R3HDM1: variants seen among roughly 807,000 people sequenced by gnomAD.
R3HDM1 encodes the protein R3H domain containing 1.
Under a neutral mutation model 141.1 loss-of-function variants are expected in R3HDM1, and 46 were observed. The ratio of observed to expected loss-of-function variants is 0.33; its 90% confidence interval spans 0.26 to 0.42. The LOEUF (loss-of-function observed/expected upper bound fraction) is 0.42. Ranked by LOEUF, R3HDM1 falls within the 10% of genes least tolerant of loss-of-function variation. The pLI is 1.00. For missense variants in R3HDM1, 1,184 were observed against 1,368.3 expected (o/e 0.87, Z 2.12); for synonymous variants, 435 against 472.9 (o/e 0.92, Z 1.04).
rs117069208 is a variant in R3HDM1, at chr2:135,641,097, A to C, written c.1220-439A>C. Among the ~76,000 whole-genome samples, 104 of 152,332 alleles carry C rather than the reference A, an allele frequency of 6.8e-4. No individual in the cohort carries two copies. In the East Asian group the frequency reaches 0.019, roughly 28 times the overall value. The stretch of plus-strand genomic sequence containing the variant: ...ATTTATCATTTATTTCTTACACTGA[A>C]TCTTTCTGTGTTCTTATAGATAAGG... On this transcript the variant is annotated intron_variant, in intron 14 of 26. Transcript: ENST00000683871.
chr2:135,653,254 G>T (rs2065357435), intron 18 of R3HDM1, among the ~76,000 whole-genome samples: 1 of 152,054 alleles, frequency 6.6e-6, no homozygotes, highest in South Asian at 2.1e-4. Context: ...TACTGGAGAG[G>T]CTGAGGCAGG....
At chr2:135,572,192 A>G (rs996344249) in intron 1 of R3HDM1, among the ~76,000 whole-genome samples, 1 of 152,042 alleles carries the variant, frequency 6.6e-6, no homozygotes, top group African/African-American at 2.4e-5. Context: ...TCCTGACCTC[A>G]AGTGACCCAA....
chr2:135,630,297 AAAAAAAAAAAAC>A (rs1293949593), intron 7 of R3HDM1, among the ~76,000 whole-genome samples: 16 of 146,348 alleles, frequency 1.1e-4, no homozygotes, highest in African/African-American at 2.9e-4. Context: ...AAAAAAAAAA[AAAAAAAAAAAAC>A]AAAAAAAAAA....
At chr2:135,616,000 G>A (rs1169196350) in intron 3 of R3HDM1, 152 bp from the exon 4 acceptor site, 1 of 515,878 alleles carries the variant, frequency 1.9e-6, no homozygotes, top group Non-Finnish European at 3.3e-6. Flanking sequence ...CTTCTGGGAG[G>A]AATCAGTACT....
rs540060102 is a variant in R3HDM1 at position 135,650,889 on chromosome 2, C to G, written c.1726-841C>G. On this transcript the variant is annotated intron_variant, in intron 17 of 26. Coordinates refer to ENST00000683871, the MANE Select transcript of R3HDM1 (RefSeq NM_001378107.1). The stretch of plus-strand genomic sequence containing the variant: ...GTAAGTCATTTTTTTCAGTGTTGAC[C>G]TTTTAACAAAATGTGGTATATTTTA... 4.1e-6 allele frequency: 4 copies of G among 985,248 alleles called. No individual in the cohort carries two copies. In the South Asian group the frequency reaches 1.9e-4, roughly 46 times the overall value. The allele number at this position is 985,248 out of a possible 1,614,324, so 61.0% of individuals were successfully genotyped here. A position where few individuals can be genotyped will look rare whatever the true frequency, so the allele number is the denominator to read the frequency against.
chr2:135,631,364 G>A (rs11897772), intron 7 of R3HDM1, among the ~76,000 whole-genome samples: 9,034 of 150,892 alleles, frequency 0.06, 487 homozygotes, highest in African/African-American at 0.15. Context: ...GTAATACTAA[G>A]CAGATCAAAA....
At chr2:135,698,919 G>A (rs565536413) in intron 21 of R3HDM1, among the ~76,000 whole-genome samples, 4 of 151,948 alleles carry the variant, frequency 2.6e-5, no homozygotes, top group South Asian at 2.1e-4. Flanking sequence ...CACCTCCAGC[G>A]TTGGGGATTA....
intron 1 of R3HDM1, chr2:135,536,386 ATCC>A (rs1696118861): frequency 4.0e-6 from 1 of 247,296 alleles, no homozygotes; most frequent in Admixed American, 6.5e-5. Context: ...GGCGCAAGCA[ATCC>A]TCCTGCCTTA....
At chr2:135,540,863 AT>A (rs1186289132) in intron 1 of R3HDM1, among the ~76,000 whole-genome samples, 1 of 152,266 alleles carries the variant, frequency 6.6e-6, no homozygotes, top group Admixed American at 6.5e-5. Flanking sequence ...AAAAATAGAA[AT>A]TAATCCTTGA....
intron 1 of R3HDM1, among the ~76,000 whole-genome samples, chr2:135,563,135 G>T (rs1702092475): frequency 6.6e-6 from 1 of 152,086 alleles, no homozygotes; most frequent in East Asian, 1.9e-4. Flanking sequence ...TTTACCCCTT[G>T]CAACTAACAA....
Position 135,715,689 on chromosome 2 carries a change from G to A in R3HDM1, c.2876G>A (p.Gly959Glu), listed in dbSNP as rs754207538. The A allele has an allele frequency of 2.5e-6, 4 of 1,612,698 alleles. No individual in the cohort carries two copies. The South Asian group carries it at 3.3e-5, about 13-fold the overall frequency. ...MPQFSRPFVP[G>E]QGDSRYPLLG... ...CAATTTTCTAGACCTTTTGTCCCCG[G>A]GCAAGGTAAGTGCACATGAAACTAG... Residue 959 changes from glycine (G) to glutamate (E), a missense_variant, in exon 24 of 27, where the codon GGG becomes GAG. Gly to Glu is a moderately conservative substitution (Grantham distance 98, BLOSUM62 -2). Transcript: ENST00000683871.
rs201096096 is a variant in R3HDM1, at chr2:135,646,892, A to AAAG, written c.1623+1372_1623+1374dup. 4.9e-3 allele frequency among the ~76,000 whole-genome samples: 723 copies of AAAG among 146,586 alleles called. 6 individuals carry two copies. The highest frequency in any genetic ancestry group is 0.017 in the African/African-American group (660 of 38,852). ...AAGTGAGTATCCCTTAAAAAAAAAA[A>AAAG]AAGAAGAAGTATGATGATAAACTTG... is the stretch of plus-strand genomic sequence containing the variant. On this transcript the variant is annotated intron_variant, in intron 16 of 26. Transcript: ENST00000683871.
At chr2:135,550,361 A>G in intron 1 of R3HDM1, 1 of 473,644 alleles carries the variant, frequency 2.1e-6, no homozygotes, top group Non-Finnish European at 2.8e-6. Flanking sequence ...TTTTTGTTGC[A>G]TTTACCTTGC....
chr2:135,680,224 C>G lies in R3HDM1; in HGVS notation c.2359C>G (p.Pro787Ala). The G allele has an allele frequency of 6.2e-7, 1 of 1,613,542 alleles. No individual in the cohort carries two copies. Among genetic ancestry groups the G allele is most frequent in the Non-Finnish European group, 8.5e-7 (1 of 1,179,490 alleles). The change falls in exon 21 of 27, where the codon CCT becomes GCT. Residue 787 changes from proline (P) to alanine (A), a missense_variant. Transcript: ENST00000683871. ...QGIPHQTYQQ[P>A]VMFPNQSNQG... ...AATTCCCCATCAGACTTATCAACAG[C>G]CTGTTATGTTCCCTAATCAGTCTAA...
At chr2:135,575,917 A>G (rs1705316320) in intron 1 of R3HDM1, among the ~76,000 whole-genome samples, 1 of 152,194 alleles carries the variant, frequency 6.6e-6, no homozygotes, top group Non-Finnish European at 1.5e-5. Context: ...GAAAACAAAC[A>G]TACAAGAATA....
chr2:135,719,685 C>A (rs986166259), intron 24 of R3HDM1, among the ~76,000 whole-genome samples: 1 of 152,016 alleles, frequency 6.6e-6, no homozygotes, highest in South Asian at 2.1e-4. Context: ...AAGGTTTTAT[C>A]TTTTGTTGAA....
intron 19 of R3HDM1, among the ~76,000 whole-genome samples, chr2:135,662,339 C>G (rs188996009): frequency 6.6e-6 from 1 of 152,360 alleles, no homozygotes; most frequent in Non-Finnish European, 1.5e-5. Flanking sequence ...GGAGAAGCAT[C>G]TCTGCACTGG....
chr2:135,543,368 C>T (rs1344197040), intron 1 of R3HDM1, among the ~76,000 whole-genome samples: 2 of 149,658 alleles, frequency 1.3e-5, no homozygotes, highest in Non-Finnish European at 3.0e-5. Flanking sequence ...GATTATGTAC[C>T]TTTGTAGCAA....
Position 135,616,676 on chromosome 2 carries a change from A to G in R3HDM1, c.222A>G (p.Ser74=). ...GQTGKRSKSS[S]KLKLVRSLAV... Reference sequence around the variant, plus strand: ...TAAATACTTCTCTTTAGTCAAGCTCAAAGTTAAAGCTAGTTCGGAGCCTTG... The same window carrying G: ...TAAATACTTCTCTTTAGTCAAGCTCGAAGTTAAAGCTAGTTCGGAGCCTTG... The change falls in exon 5 of 27, where the codon TCA becomes TCG. Residue 74 remains serine, a synonymous_variant. Transcript: ENST00000683871. The G allele has an allele frequency of 6.2e-7, 1 of 1,603,956 alleles. No homozygotes were observed. The highest frequency in any genetic ancestry group is 2.2e-5 in the East Asian group (1 of 44,750).
Sources: gnomAD v4.1 joint callset for allele counts (sites outside exome capture counted in the v4.1 genomes callset) on GRCh38, gnomAD v4.1.1 for gene constraint, MANE v1.5 for transcripts, NCBI Gene and HGNC (gene_info 2026-07-23, HGNC 2026-07-21) for gene names.